The following EBAG9 variants were observed in gnomAD, a reference collection of about 807,000 sequenced individuals.
EBAG9 encodes the protein estrogen receptor binding site associated antigen 9.
In EBAG9, 16 loss-of-function variants were observed where a neutral mutation model predicts 30.9. The ratio of observed to expected loss-of-function variants is 0.52; its 90% CI spans 0.35 to 0.79. The LOEUF (loss-of-function observed/expected upper bound fraction) is 0.79, where lower values mean the gene tolerates loss of function less well. Ranked by LOEUF, EBAG9 falls within the 30% of genes least tolerant of loss-of-function variation. The pLI is 0.01. For missense variants in EBAG9, 197 were observed against 242.1 expected (o/e 0.81, Z 1.24); for synonymous variants, 93 against 82.8 (o/e 1.12, Z -0.67).
At chr8:109,540,641 C>A (rs1243584661) in intron 1 of EBAG9, 180 bp downstream of exon 1, 1 of 152,202 alleles carries the variant, frequency 6.6e-6, no homozygotes, top group Admixed American at 6.5e-5. Context: ...ACAGAATGTT[C>A]GATTTTACTA....
At chr8:109,563,575 C>G in intron 6 of EBAG9, 2 of 1,466,696 alleles carry the variant, frequency 1.4e-6, no homozygotes, top group South Asian at 1.4e-5. Flanking sequence ...ATACCTACCA[C>G]TCTTTTTTTT....
chr8:109,561,052 A>C, intron 6 of EBAG9, 123 bp downstream of exon 6: 1 of 747,242 alleles, frequency 1.3e-6, no homozygotes, highest in Non-Finnish European at 2.1e-6. Context: ...ATCCTTAGAT[A>C]ATAAGGACTT....
In EBAG9 at chr8:109,553,943, G is replaced by A; in HGVS notation, c.162G>A (p.Gln54=). ...TTVDYSSVPK[Q]TDVEEWTSWD... ...TTGATTATTCATCAGTTCCTAAGCA[G>A]GTAGGTTTTTTTTGTGTGTTCTTTT... Residue 54 remains glutamine (Q), a splice_region_variant and synonymous_variant, in exon 3 of 7, where the codon CAG becomes CAA. Transcript: ENST00000337573. The A allele has an allele frequency of 1.3e-6, 2 of 1,595,860 alleles. No homozygotes were observed. The highest frequency in any genetic ancestry group is 1.4e-5 in the African/African-American group (1 of 73,882).
chr8:109,553,867 C>T lies in EBAG9; in HGVS notation c.86C>T (p.Ser29Phe). 6.2e-7 allele frequency: 1 copy of T among 1,606,212 alleles called. No individual in the cohort carries two copies. Among genetic ancestry groups the T allele is most frequent in the Non-Finnish European group, 8.5e-7 (1 of 1,177,412 alleles). Residue 29 changes from serine to phenylalanine, a missense_variant and splice_region_variant, in exon 3 of 7, where the codon TCT becomes TTT. By Grantham distance (155) the Ser-to-Phe change is radical (BLOSUM62 -2). Coordinates refer to ENST00000337573, the MANE Select transcript of EBAG9 (RefSeq NM_004215.5). ...AAATTATTTCATTTTTGTTTCAGATCTGGCAGAGGACGGAAATTAAGTGGA... is the reference window on the plus strand; with the variant it reads ...AAATTATTTCATTTTTGTTTCAGATTTGGCAGAGGACGGAAATTAAGTGGA... ...FSFLKRLICRSGRGRKLSGDQ... is the reference protein window; with the variant it reads ...FSFLKRLICRFGRGRKLSGDQ...
chr8:109,550,029 A>G (rs933293787), intron 1 of EBAG9, among the ~76,000 whole-genome samples: 1 of 152,020 alleles, frequency 6.6e-6, no homozygotes, highest in African/African-American at 2.4e-5. Flanking sequence ...CTGCTTTTCA[A>G]TTGGAATGCT....
chr8:109,562,103 T>TA (rs1213863016), intron 6 of EBAG9, among the ~76,000 whole-genome samples: 1 of 152,082 alleles, frequency 6.6e-6, no homozygotes, highest in Admixed American at 6.6e-5. Flanking sequence ...TGTGTTATTT[T>TA]AAAAAACAAA....
chr8:109,564,423 G>A lies in EBAG9; in HGVS notation c.522-16G>A. ...TGTTTGGTATTTTCTAAAAGTAAAAGTATGTTTCTTTTCAGACAGCAGAAA... is the reference window on the plus strand; with the variant it reads ...TGTTTGGTATTTTCTAAAAGTAAAAATATGTTTCTTTTCAGACAGCAGAAA... On this transcript the variant is annotated splice_polypyrimidine_tract_variant and intron_variant, in intron 6 of 6. Coordinates refer to ENST00000337573, the MANE Select transcript of EBAG9 (RefSeq NM_004215.5). The A allele has an allele frequency of 6.2e-7, 1 of 1,609,176 alleles. No homozygotes were observed. The highest frequency in any genetic ancestry group is 2.2e-5 in the East Asian group (1 of 44,732).
chr8:109,552,230 C>T (rs1297363825), intron 2 of EBAG9, among the ~76,000 whole-genome samples: 1 of 147,994 alleles, frequency 6.8e-6, no homozygotes, highest in African/African-American at 2.5e-5. Flanking sequence ...CTAAATTGAA[C>T]TTATTGCTAA....
intron 3 of EBAG9, 104 bp from the exon 4 acceptor site, chr8:109,554,625 T>C: frequency 2.5e-6 from 3 of 1,190,722 alleles, no homozygotes; most frequent in South Asian, 3.4e-5. Flanking sequence ...TTAAAAAAGT[T>C]TGAAAACCAG....
At chr8:109,547,099 C>T (rs187559605) in intron 1 of EBAG9, among the ~76,000 whole-genome samples, 1 of 152,150 alleles carries the variant, frequency 6.6e-6, no homozygotes, top group African/African-American at 2.4e-5. Context: ...AATCTCAGCT[C>T]ACTGCAACCT....
chr8:109,563,249 A>C, intron 6 of EBAG9: 1 of 792,532 alleles, frequency 1.3e-6, no homozygotes, highest in Non-Finnish European at 2.0e-6. Context: ...CACTGTAGTT[A>C]ATATTGAGCT....
intron 6 of EBAG9, 127 bp downstream of exon 6, chr8:109,561,056 A>T: frequency 1.4e-6 from 1 of 737,950 alleles, no homozygotes; most frequent in Non-Finnish European, 2.1e-6. Context: ...TTAGATAATA[A>T]GGACTTTTTT....
At chr8:109,549,143 G>A (rs962324340) in intron 1 of EBAG9, among the ~76,000 whole-genome samples, 4 of 151,232 alleles carry the variant, frequency 2.6e-5, no homozygotes, top group Admixed American at 6.6e-5. Context: ...GGCTTTTTCT[G>A]TCTCTATTGA....
chr8:109,560,956 C>A (rs755487208), intron 6 of EBAG9, 27 bp downstream of exon 6: 3 of 1,581,520 alleles, frequency 1.9e-6, no homozygotes, highest in Non-Finnish European at 2.6e-6. Context: ...TATATTGCAA[C>A]CTGAGTAGAA....
chr8:109,558,316 TTAAA>T (rs368414125), intron 5 of EBAG9, among the ~76,000 whole-genome samples: 2 of 152,268 alleles, frequency 1.3e-5, no homozygotes, highest in African/African-American at 4.8e-5. Context: ...AGACATGATA[TTAAA>T]TGAATGATCA....
chr8:109,545,181 G>A (rs983833469), intron 1 of EBAG9, among the ~76,000 whole-genome samples: 1 of 151,664 alleles, frequency 6.6e-6, no homozygotes, highest in Non-Finnish European at 1.5e-5. Context: ...AATTAACCTG[G>A]TGTGGTGGCA....
chr8:109,564,902 A>G lies in EBAG9; in HGVS notation c.*343A>G, dbSNP rs1412923922. On this transcript the variant is annotated 3_prime_UTR_variant, in exon 7 of 7. Transcript: ENST00000337573. The stretch of plus-strand genomic sequence containing the variant: ...GTATATAATTTTATGGTGGAAAAGA[A>G]CTGTACTGTCTGTTATGATTTCCTT... 2 of 164,190 alleles carry G rather than the reference A, an allele frequency of 1.2e-5. No individual in the cohort carries two copies. 10.2% of individuals were successfully genotyped at this position (164,190 alleles called of 1,614,324 possible).
At chr8:109,558,736 C>T (rs750047472) in intron 5 of EBAG9, among the ~76,000 whole-genome samples, 1 of 152,046 alleles carries the variant, frequency 6.6e-6, no homozygotes. Flanking sequence ...TTTTCTATAC[C>T]AAAAATATCT....
rs1821789158 is a variant in EBAG9, at chr8:109,564,859, C to G, written c.*300C>G. On this transcript the variant is annotated 3_prime_UTR_variant, in exon 7 of 7. Coordinates refer to ENST00000337573, the MANE Select transcript of EBAG9 (RefSeq NM_004215.5). ...ATCAGTACCTCTCAAGCTAGTGTTT[C>G]TAGCTAAATAAATGGGTGTATATAA... is the stretch of plus-strand genomic sequence containing the variant. 5.1e-6 allele frequency: 1 copy of G among 197,082 alleles called. No homozygotes were observed. The highest frequency in any genetic ancestry group is 2.3e-5 in the African/African-American group (1 of 42,890). The allele number at this position is 197,082 out of a possible 1,614,324, so 12.2% of individuals were successfully genotyped here.
Sources: gnomAD v4.1 joint callset for allele counts (sites outside exome capture counted in the v4.1 genomes callset) on GRCh38, gnomAD v4.1.1 for gene constraint, MANE v1.5 for transcripts, NCBI Gene and HGNC (gene_info 2026-07-23, HGNC 2026-07-21) for gene names.